The following CD79B variants were observed in gnomAD, a reference collection of about 807,000 sequenced individuals.
CD79B encodes the protein B-cell antigen receptor complex-associated protein beta chain.
A neutral mutation model predicts 30.0 loss-of-function variants in CD79B; 7 were observed. That is an observed-to-expected ratio of 0.23 (90% CI 0.13 to 0.44). The LOEUF is 0.44. Among genes scored for constraint, CD79B ranks in the 20% least tolerant of loss-of-function variants. The pLI is 1.00. For synonymous variants in CD79B, 118 were observed against 119.2 expected, an observed-to-expected ratio of 0.99 and a Z score of 0.07; for missense variants, 218 against 299.1, an observed-to-expected ratio of 0.73 and a Z score of 2.00.
chr17:63,930,961 G>A, intron 2 of CD79B: 1 of 350,376 alleles, frequency 2.9e-6, no homozygotes, highest in Non-Finnish European at 5.5e-6. Flanking sequence ...TTCTTAGTGA[G>A]CACTGCCCGG....
At position 63,929,336 on chromosome 17, in the gene CD79B, A is replaced by G. The variant is rs761774843; in HGVS notation, c.592-12T>C. Reference sequence around the variant, plus strand: ...TCAATGTCCAGGCCCTGGAGACATTAAGTGGAACTCAGGCCGGGACCACAC... The same window carrying G: ...TCAATGTCCAGGCCCTGGAGACATTGAGTGGAACTCAGGCCGGGACCACAC... On this transcript the variant is annotated splice_polypyrimidine_tract_variant and intron_variant, in intron 5 of 5. Coordinates refer to ENST00000006750, the MANE Select transcript of CD79B (RefSeq NM_000626.4). 6.2e-7 allele frequency: 1 copy of G among 1,611,850 alleles called. No individual in the cohort carries two copies. The highest frequency in any genetic ancestry group is 8.5e-7 in the Non-Finnish European group (1 of 1,177,928).
In CD79B at chr17:63,930,611, G is replaced by A. The variant is rs1908067654; in HGVS notation, c.119-226C>T. 3.0e-5 allele frequency: 18 copies of A among 597,200 alleles called. No individual in the cohort carries two copies. The South Asian group carries it at 3.1e-4, about 10-fold the overall frequency. 37.0% of individuals were successfully genotyped at this position (597,200 alleles called of 1,614,324 possible). A position where few individuals can be genotyped will look rare whatever the true frequency, so the allele number is the denominator to read the frequency against. On this transcript the variant is annotated intron_variant, in intron 2 of 5. Coordinates refer to ENST00000006750, the MANE Select transcript of CD79B (RefSeq NM_000626.4). The stretch of plus-strand genomic sequence containing the variant: ...AAGCTCTCAGACTCCACCTCTTCCC[G>A]ACTGCCCCACCTCCCCTTCGATTTT...
Position 63,932,252 on chromosome 17 carries a change from G to C in CD79B, c.10C>G (p.Leu4Val), listed in dbSNP as rs371511197. Reference sequence around the variant, plus strand: ...TGGCTGGGCACAGGAGACAACGCCAGCCTGGCCATGGTCACCGCTCTGTCC... The same window carrying C: ...TGGCTGGGCACAGGAGACAACGCCACCCTGGCCATGGTCACCGCTCTGTCC... Reference protein sequence around the residue: MARLALSPVPSHWM... With the variant: MARVALSPVPSHWM... Residue 4 changes from leucine (L) to valine (V), a missense_variant, in exon 1 of 6, where the codon CTG becomes GTG. Coordinates refer to ENST00000006750, the MANE Select transcript of CD79B (RefSeq NM_000626.4). 13 of 1,612,570 alleles carry C rather than the reference G, an allele frequency of 8.1e-6. No homozygotes were observed. The highest frequency in any genetic ancestry group is 2.7e-5 in the African/African-American group (2 of 74,944).
chr17:63,931,058 T>G, intron 2 of CD79B: 1 of 498,840 alleles, frequency 2.0e-6, no homozygotes, highest in Non-Finnish European at 3.7e-6. Context: ...GGCCCGGGCC[T>G]GAGTCCTAGA....
At chr17:63,931,489 C>T in intron 1 of CD79B, 104 bp from the exon 2 acceptor site, 2 of 1,117,680 alleles carry the variant, frequency 1.8e-6, no homozygotes, top group Non-Finnish European at 2.7e-6. Context: ...TTCCTCCTTC[C>T]ATGACAGCAG....
At position 63,930,265 on chromosome 17, in the gene CD79B, T is replaced by C. The variant is rs1436462597; in HGVS notation, c.239A>G (p.Gln80Arg). 19 of 1,614,222 alleles carry C rather than the reference T, an allele frequency of 1.2e-5. No homozygotes were observed. The highest frequency in any genetic ancestry group is 1.5e-5 in the Non-Finnish European group (18 of 1,180,038). The change falls in exon 3 of 6, where the codon CAG becomes CGG. Residue 80 changes from glutamine to arginine, a missense_variant. Physicochemically the swap from Gln to Arg is conservative, Grantham distance 43 (BLOSUM62 1). Coordinates refer to ENST00000006750, the MANE Select transcript of CD79B (RefSeq NM_000626.4). ...CTGCTGGGGATTCTCGTCCATCTCC[T>C]GCTTCCAGAGCCAGCTCACATTGCC... is the stretch of plus-strand genomic sequence containing the variant. ...ASGNVSWLWK[Q>R]EMDENPQQLK... is the part of the protein sequence containing the mutation.
intron 1 of CD79B, 163 bp downstream of exon 1, chr17:63,932,032 C>T: frequency 1.4e-6 from 1 of 717,676 alleles, no homozygotes; most frequent in East Asian, 2.7e-5. Context: ...TCACCACGTG[C>T]AGCTGACACC....
intron 1 of CD79B, 64 bp downstream of exon 1, chr17:63,932,131 G>A: frequency 7.0e-7 from 1 of 1,429,142 alleles, no homozygotes; most frequent in African/African-American, 1.4e-5. Flanking sequence ...AGGAGGCAGA[G>A]CCGCAGGGCC....
At chr17:63,930,460 C>A (rs1245674082) in intron 2 of CD79B, 75 bp from the exon 3 acceptor site, 2 of 1,357,612 alleles carry the variant, frequency 1.5e-6, no homozygotes, top group South Asian at 2.4e-5. Flanking sequence ...CAGGCCCCTG[C>A]CCTGGCTGGC....
Position 63,929,295 on chromosome 17 carries a change from A to T in CD79B, c.621T>A (p.Tyr207Ter). Reference sequence around the variant, plus strand: ...CTGTCCGCAGCGTCACTATGTCCTCATAGGTGGCTGTCTGGTCAATGTCCA... The same window carrying T: ...CTGTCCGCAGCGTCACTATGTCCTCTTAGGTGGCTGTCTGGTCAATGTCCA... ...EGLDIDQTAT[Y>*]EDIVTLRTGE... is the part of the protein sequence containing the mutation. Residue 207 changes from tyrosine to a stop codon, truncating the protein, a stop_gained, in exon 6 of 6, where the codon TAT (tyrosine) becomes TAA (stop). Transcript: ENST00000006750. LOFTEE classifies it high-confidence loss of function. The T allele has an allele frequency of 6.2e-7, 1 of 1,614,054 alleles. No individual in the cohort carries two copies.
chr17:63,930,418 C>G (rs1405455181), intron 2 of CD79B, 33 bp from the exon 3 acceptor site: 7 of 1,600,794 alleles, frequency 4.4e-6, no homozygotes, highest in Non-Finnish European at 6.0e-6. Context: ...CAGCATTCCG[C>G]TTGGCATCTT....
chr17:63,929,821 C>T lies in CD79B; in HGVS notation c.498G>A (p.Thr166=), dbSNP rs141754572. The change falls in exon 4 of 6, where the codon ACG becomes ACA. Residue 166 remains threonine (T), a synonymous_variant. Coordinates refer to ENST00000006750, the MANE Select transcript of CD79B (RefSeq NM_000626.4). ...CGATGATGAAGAGGATGATCAGCAG[C>T]GTCTGGATCATGATGATACCATCCT... ...TLKDGIIMIQ[T]LLIILFIIVP... The T allele has an allele frequency of 3.3e-5, 54 of 1,613,178 alleles. No individual in the cohort carries two copies. The highest frequency in any genetic ancestry group is 1.9e-4 in the African/African-American group (14 of 74,916).
At chr17:63,931,426 C>T in intron 1 of CD79B, 41 bp from the exon 2 acceptor site, 1 of 1,600,628 alleles carries the variant, frequency 6.2e-7, no homozygotes, top group Non-Finnish European at 8.6e-7. Context: ...GTCAGGGCCT[C>T]CTCTGGCCTG....
At position 63,929,093 on chromosome 17, in the gene CD79B, T is replaced by A; in HGVS notation, c.*133A>T. 1 of 708,376 alleles carries A rather than the reference T, an allele frequency of 1.4e-6. No homozygotes were observed. Among genetic ancestry groups the A allele is most frequent in the Non-Finnish European group, 2.6e-6 (1 of 390,478 alleles). The allele number at this position is 708,376 out of a possible 1,614,324, so 43.9% of individuals were successfully genotyped here. ...CTGGGGACCAGGGGCTGGAGACAAA[T>A]GGCAGCTCTGGTGGGCCAGCTTCAG... On this transcript the variant is annotated 3_prime_UTR_variant, in exon 6 of 6. Coordinates refer to ENST00000006750, the MANE Select transcript of CD79B (RefSeq NM_000626.4).
At position 63,930,292 on chromosome 17, in the gene CD79B, G is replaced by A. The variant is rs1348721196; in HGVS notation, c.212C>T (p.Ser71Phe). The A allele has an allele frequency of 1.2e-6, 2 of 1,614,196 alleles. No individual in the cohort carries two copies. Among genetic ancestry groups the A allele is most frequent in the Middle Eastern group, 3.3e-4 (2 of 6,062 alleles). ...VKMHCYMNSA[S>F]GNVSWLWKQE... is the part of the protein sequence containing the mutation. ...CTTCCAGAGCCAGCTCACATTGCCG[G>A]AGGCGCTGTTCATGTAGCAGTGCAT... Residue 71 changes from serine (S) to phenylalanine (F), a missense_variant, in exon 3 of 6, where the codon TCC (serine) becomes TTC (phenylalanine). Physicochemically the swap from Ser to Phe is radical, Grantham distance 155 (BLOSUM62 -2). Transcript: ENST00000006750.
In CD79B at chr17:63,932,288, AC is replaced by A. The variant is rs1267254369; in HGVS notation, c.-28del. On this transcript the variant is annotated 5_prime_UTR_variant, in exon 1 of 6. Transcript: ENST00000006750. ...GTCACCGCTCTGTCCCCGACCCCAA[AC>A]CCGTGACAACGTCCGAGGCTCCTTG... The A allele has an allele frequency of 6.2e-7, 1 of 1,605,776 alleles. No homozygotes were observed.
chr17:63,931,307 C>T (rs774797938), intron 2 of CD79B, 28 bp downstream of exon 2: 5 of 1,612,288 alleles, frequency 3.1e-6, no homozygotes, highest in Admixed American at 1.7e-5. Context: ...ACAACTTGCC[C>T]TCAGAAGCGG....
rs968612855 is a variant in CD79B at position 63,928,894 on chromosome 17, C to G, written c.*332G>C. On this transcript the variant is annotated 3_prime_UTR_variant, in exon 6 of 6. Transcript: ENST00000006750. ...GCCCTTCCCAAGCTCTGCTGGGAGG[C>G]CCTCGGCTCCGAGTCCATTTGCGGG... The G allele has an allele frequency of 2.4e-5, 11 of 452,308 alleles. No individual in the cohort carries two copies. Among genetic ancestry groups the G allele is most frequent in the Non-Finnish European group, 4.1e-5 (10 of 243,516 alleles). The allele number at this position is 452,308 out of a possible 1,614,324, so 28.0% of individuals were successfully genotyped here. A position where few individuals can be genotyped will look rare whatever the true frequency, so the allele number is the denominator to read the frequency against.
At chr17:63,932,094 G>C (rs995084871) in intron 1 of CD79B, 101 bp downstream of exon 1, 1 of 1,050,308 alleles carries the variant, frequency 9.5e-7, no homozygotes, top group East Asian at 2.4e-5. Context: ...TAAAGAGTGA[G>C]AGACAGAGGA....
Sources: allele counts gnomAD v4.1 joint callset, GRCh38; gene constraint gnomAD v4.1.1; transcripts MANE v1.5; gene names NCBI Gene and HGNC (gene_info 2026-07-23, HGNC 2026-07-21).